TMEFF1: variants seen among roughly 807,000 people sequenced by gnomAD.
The protein encoded by TMEFF1 is tomoregulin-1.
A neutral mutation model predicts 47.5 loss-of-function variants in TMEFF1; 20 were observed. The observed-to-expected ratio is 0.42, with a 90% CI of 0.30 to 0.61. TMEFF1 has a LOEUF of 0.61. Among genes scored for constraint, TMEFF1 ranks in the 20% least tolerant of loss-of-function variants. TMEFF1 has a pLI of 0.19. For missense variants in TMEFF1, 411 were observed against 471.1 expected (o/e 0.87, Z 1.18); for synonymous variants, 162 against 166.3 (o/e 0.97, Z 0.20).
intron 5 of TMEFF1, among the ~76,000 whole-genome samples, chr9:100,542,171 G>T (rs1408770698): frequency 6.7e-6 from 1 of 148,602 alleles, no homozygotes; most frequent in African/African-American, 2.5e-5. Context: ...TTCTTGTAAT[G>T]GTAACCTCAG....
Position 100,518,559 on chromosome 9 carries a change from C to T in TMEFF1, c.560+1788C>T, listed in dbSNP as rs754830300. 183 of 940,990 alleles carry T rather than the reference C, an allele frequency of 1.9e-4. 2 individuals carry two copies. The highest frequency in any genetic ancestry group is 1.6e-4 in the Non-Finnish European group (123 of 789,522). The allele number at this position is 940,990 out of a possible 1,614,324, so 58.3% of individuals were successfully genotyped here. ...CCAACGTCAGGCAAGGAAATTGATG[C>T]AACAAGAGGAAAATACGAAGGAAGC... On this transcript the variant is annotated intron_variant, in intron 5 of 9. Transcript: ENST00000374879.
At chr9:100,571,369 TA>T (rs36030073) in intron 8 of TMEFF1, among the ~76,000 whole-genome samples, 84,291 of 151,990 alleles carry the variant, frequency 0.55, 23,942 homozygotes, top group Admixed American at 0.63. Context: ...TGGGAATAGA[TA>T]ATGCTAGCTA....
intron 1 of TMEFF1, among the ~76,000 whole-genome samples, chr9:100,489,177 T>C: frequency 6.6e-6 from 1 of 152,214 alleles, no homozygotes. Flanking sequence ...TAGCCTTTTG[T>C]GCCTGAGTTA....
At chr9:100,490,512 GT>G (rs1451228952) in intron 1 of TMEFF1, among the ~76,000 whole-genome samples, 1 of 152,092 alleles carries the variant, frequency 6.6e-6, no homozygotes, top group African/African-American at 2.4e-5. Flanking sequence ...GTGAATATTT[GT>G]TGTATAACTA....
chr9:100,476,258 T>A (rs1051419210), intron 1 of TMEFF1, among the ~76,000 whole-genome samples: 3 of 152,086 alleles, frequency 2.0e-5, no homozygotes, highest in African/African-American at 7.2e-5. Flanking sequence ...GGAAAAAAAA[T>A]TTTTTTAGTT....
intron 5 of TMEFF1, among the ~76,000 whole-genome samples, chr9:100,537,888 A>G (rs1316848284): frequency 6.6e-6 from 1 of 152,134 alleles, no homozygotes; most frequent in East Asian, 1.9e-4. Context: ...GGTACAATAT[A>G]TATTTTTTGA....
At chr9:100,541,348 A>ATTTTTTT (rs34971752) in intron 5 of TMEFF1, among the ~76,000 whole-genome samples, 2 of 106,794 alleles carry the variant, frequency 1.9e-5, no homozygotes, top group Non-Finnish European at 2.0e-5. Context: ...TGGCAATTTC[A>ATTTTTTT]TTTTTTTTTT....
At chr9:100,474,796 G>T (rs2118213771) in intron 1 of TMEFF1, among the ~76,000 whole-genome samples, 1 of 152,150 alleles carries the variant, frequency 6.6e-6, no homozygotes. Context: ...AAGGCCGCTT[G>T]CCCCCCCACA....
At chr9:100,535,466 G>A (rs1199376029) in intron 5 of TMEFF1, among the ~76,000 whole-genome samples, 1 of 152,088 alleles carries the variant, frequency 6.6e-6, no homozygotes, top group Non-Finnish European at 1.5e-5. Flanking sequence ...TTACTAATAG[G>A]AATGTACCAG....
intron 1 of TMEFF1, among the ~76,000 whole-genome samples, chr9:100,476,675 G>A (rs1421416956): frequency 6.7e-6 from 1 of 149,364 alleles, no homozygotes; most frequent in African/African-American, 2.5e-5. Context: ...TTACAGGTGT[G>A]AGCCAATGTG....
chr9:100,482,199 C>CTTTTTTTT, intron 1 of TMEFF1, among the ~76,000 whole-genome samples: 1 of 148,770 alleles, frequency 6.7e-6, no homozygotes, highest in Non-Finnish European at 1.5e-5. Flanking sequence ...TTCTTTCTTT[C>CTTTTTTTT]TTTTCTTTTT....
At chr9:100,494,094 C>T (rs1837607515) in intron 1 of TMEFF1, among the ~76,000 whole-genome samples, 1 of 150,932 alleles carries the variant, frequency 6.6e-6, no homozygotes, top group Admixed American at 6.7e-5. Flanking sequence ...TGAGGCCCAG[C>T]TATTTGGGAA....
At chr9:100,521,956 C>A (rs7862727) in intron 5 of TMEFF1, among the ~76,000 whole-genome samples, 21,230 of 152,132 alleles carry the variant, frequency 0.14, 1,627 homozygotes, top group Middle Eastern at 0.2. Context: ...ACATGGATAA[C>A]CAGTTTAATC....
chr9:100,537,921 C>G (rs1476548185), intron 5 of TMEFF1, among the ~76,000 whole-genome samples: 1 of 152,006 alleles, frequency 6.6e-6, no homozygotes, highest in Non-Finnish European at 1.5e-5. Context: ...TTCTTATGAA[C>G]TAAAATTTTT....
intron 1 of TMEFF1, among the ~76,000 whole-genome samples, chr9:100,475,839 C>T (rs1837216665): frequency 2.0e-5 from 3 of 150,180 alleles, no homozygotes; most frequent in Non-Finnish European, 4.4e-5. Context: ...AGAAGTGAAC[C>T]TGTGTTTTTG....
At chr9:100,478,244 G>T (rs943925412) in intron 1 of TMEFF1, among the ~76,000 whole-genome samples, 6 of 152,186 alleles carry the variant, frequency 3.9e-5, no homozygotes, top group Non-Finnish European at 5.9e-5. Context: ...TGGCCCTGTT[G>T]TCTCTTGATA....
chr9:100,510,287 G>A (rs1229694635), intron 3 of TMEFF1, among the ~76,000 whole-genome samples: 2 of 152,148 alleles, frequency 1.3e-5, no homozygotes, highest in Admixed American at 1.3e-4. Flanking sequence ...GAAGGGAGAG[G>A]ATACATGTTA....
intron 2 of TMEFF1, among the ~76,000 whole-genome samples, chr9:100,507,314 T>C (rs1837882505): frequency 6.6e-6 from 1 of 152,218 alleles, no homozygotes; most frequent in African/African-American, 2.4e-5. Context: ...AGTGCTGCGA[T>C]GAACATATGG....
intron 5 of TMEFF1, among the ~76,000 whole-genome samples, chr9:100,539,491 T>C (rs1427189971): frequency 2.0e-5 from 3 of 152,094 alleles, no homozygotes; most frequent in Non-Finnish European, 4.4e-5. Flanking sequence ...AGTCTTGCTG[T>C]CTTCAGGAGT....
Sources: gnomAD v4.1 joint callset for allele counts (sites outside exome capture counted in the v4.1 genomes callset) on GRCh38, gnomAD v4.1.1 for gene constraint, MANE v1.5 for transcripts, NCBI Gene and HGNC (gene_info 2026-07-23, HGNC 2026-07-21) for gene names.